Variants in GPC5 observed in about 807,000 individuals in gnomAD.
GPC5 encodes the protein glypican 5, also known as glypican-5.
A neutral mutation model predicts 53.9 loss-of-function variants in GPC5; 47 were observed. That is an observed-to-expected ratio of 0.87 (90% CI 0.69 to 1.11). The LOEUF (loss-of-function observed/expected upper bound fraction) is 1.11. Among genes scored for constraint, GPC5 ranks in the 50% most tolerant of loss-of-function variants. The pLI is 0.00. For missense variants in GPC5, 748 were observed against 713.1 expected (o/e 1.05, Z -0.56); for synonymous variants, 286 against 263.3 (o/e 1.09, Z -0.84).
intron 7 of GPC5, among the ~76,000 whole-genome samples, chr13:92,606,333 T>C (rs1369201320): frequency 6.6e-6 from 1 of 152,026 alleles, no homozygotes; most frequent in Non-Finnish European, 1.5e-5. Context: ...TGAGACCATG[T>C]GGTGTTTGGT....
intron 6 of GPC5, among the ~76,000 whole-genome samples, chr13:92,105,258 C>A (rs1308249393): frequency 6.6e-6 from 1 of 152,060 alleles, no homozygotes; most frequent in Non-Finnish European, 1.5e-5. Context: ...TCTGAATCTA[C>A]AATCTATTTT....
chr13:91,649,205 A>G (rs1034762386), intron 2 of GPC5, among the ~76,000 whole-genome samples: 1 of 151,900 alleles, frequency 6.6e-6, no homozygotes, highest in African/African-American at 2.4e-5. Context: ...AATCAACTAA[A>G]CCCCTTTGCT....
At chr13:91,447,631 CTG>C (rs1880897567) in intron 1 of GPC5, among the ~76,000 whole-genome samples, 1 of 152,068 alleles carries the variant, frequency 6.6e-6, no homozygotes, top group African/African-American at 2.4e-5. Flanking sequence ...GAGGCCAACT[CTG>C]TGTGGAAAAA....
chr13:92,669,758 T>G (rs1886684912), intron 7 of GPC5, among the ~76,000 whole-genome samples: 1 of 152,146 alleles, frequency 6.6e-6, no homozygotes, highest in Non-Finnish European at 1.5e-5. Context: ...CCTACACTCA[T>G]TCCTCAGAGA....
intron 7 of GPC5, among the ~76,000 whole-genome samples, chr13:92,491,992 G>A (rs907102174): frequency 1.3e-5 from 2 of 151,738 alleles, no homozygotes; most frequent in Non-Finnish European, 2.9e-5. Context: ...TATCTTTTCA[G>A]TCTAGAGTCT....
chr13:91,860,151 G>A (rs1320174426), intron 5 of GPC5, among the ~76,000 whole-genome samples: 2 of 152,042 alleles, frequency 1.3e-5, no homozygotes, highest in African/African-American at 2.4e-5. Flanking sequence ...GTAGTATAGA[G>A]CATTAGAACT....
intron 7 of GPC5, among the ~76,000 whole-genome samples, chr13:92,388,315 T>G (rs1296388658): frequency 2.6e-5 from 4 of 152,092 alleles, no homozygotes; most frequent in African/African-American, 9.7e-5. Context: ...CTGATATTTT[T>G]GCTAGAAAAA....
intron 6 of GPC5, among the ~76,000 whole-genome samples, chr13:91,973,195 T>C (rs190578625): frequency 6.6e-6 from 1 of 152,138 alleles, no homozygotes; most frequent in African/African-American, 2.4e-5. Flanking sequence ...TAAACTTCCC[T>C]TCTTGCTTCA....
intron 7 of GPC5, among the ~76,000 whole-genome samples, chr13:92,672,328 G>C (rs1025412318): frequency 2.6e-5 from 4 of 152,110 alleles, no homozygotes; most frequent in Non-Finnish European, 5.9e-5. Flanking sequence ...CAAGACCACA[G>C]TAAGATACCA....
At chr13:92,748,754 ATTG>A (rs1889305868) in intron 7 of GPC5, among the ~76,000 whole-genome samples, 3 of 152,062 alleles carry the variant, frequency 2.0e-5, no homozygotes, top group East Asian at 3.9e-4. Flanking sequence ...CCTTTTTTTA[ATTG>A]TTAATAGAAA....
chr13:91,613,310 CAAGAG>C (rs1281871553), intron 2 of GPC5, among the ~76,000 whole-genome samples: 4 of 152,134 alleles, frequency 2.6e-5, no homozygotes, highest in Non-Finnish European at 4.4e-5. Context: ...TGGCAGCAGA[CAAGAG>C]AAGAGAATTT....
At chr13:91,917,186 C>G (rs1157112833) in intron 6 of GPC5, among the ~76,000 whole-genome samples, 1 of 152,172 alleles carries the variant, frequency 6.6e-6, no homozygotes, top group Non-Finnish European at 1.5e-5. Context: ...TAAACACACC[C>G]ATTCCAAATG....
chr13:91,623,646 C>A (rs563468620), intron 2 of GPC5, among the ~76,000 whole-genome samples: 1 of 152,084 alleles, frequency 6.6e-6, no homozygotes, highest in Non-Finnish European at 1.5e-5. Context: ...ATATGGGCTG[C>A]ATTTAGTATA....
intron 7 of GPC5, among the ~76,000 whole-genome samples, chr13:92,466,030 T>A (rs975942460): frequency 6.6e-6 from 1 of 151,968 alleles, no homozygotes; most frequent in African/African-American, 2.4e-5. Flanking sequence ...GATTTCAAAA[T>A]TGCTAGAAGA....
intron 7 of GPC5, among the ~76,000 whole-genome samples, chr13:92,819,722 A>G (rs772190203): frequency 6.6e-6 from 1 of 152,180 alleles, no homozygotes; most frequent in Non-Finnish European, 1.5e-5. Flanking sequence ...CAAAGATTTA[A>G]TACAATTCAG....
intron 6 of GPC5, among the ~76,000 whole-genome samples, chr13:92,083,145 G>C (rs935984454): frequency 1.3e-5 from 2 of 152,122 alleles, no homozygotes; most frequent in African/African-American, 4.8e-5. Flanking sequence ...TTCCCTTTGG[G>C]GGACAAGAAT....
chr13:91,477,579 G>A (rs919474813), intron 2 of GPC5, among the ~76,000 whole-genome samples: 9 of 152,170 alleles, frequency 5.9e-5, no homozygotes, highest in Admixed American at 3.9e-4. Context: ...ACAAATTTTG[G>A]AATACCCATA....
intron 3 of GPC5, chr13:91,725,106 A>G (rs1185923448): frequency 6.6e-6 from 1 of 152,228 alleles, no homozygotes; most frequent in African/African-American, 2.4e-5. Flanking sequence ...TTGTTGAAAC[A>G]AATACTTGAT....
At chr13:91,449,967 A>G (rs1881071800) in intron 2 of GPC5, among the ~76,000 whole-genome samples, 2 of 152,160 alleles carry the variant, frequency 1.3e-5, no homozygotes, top group South Asian at 4.1e-4. Context: ...TTCCTTTTAA[A>G]TAAGTACATT....
Sources: allele counts gnomAD v4.1 joint callset (sites outside exome capture counted in the v4.1 genomes callset), GRCh38; gene constraint gnomAD v4.1.1; transcripts MANE v1.5; gene names NCBI Gene and HGNC (gene_info 2026-07-23, HGNC 2026-07-21).